RYR1: variants seen among roughly 807,000 people sequenced by gnomAD.
RYR1 encodes central core disease of muscle.
RYR1 carries 342 observed loss-of-function variants against 583.5 expected under a neutral mutation model. The ratio of observed to expected loss-of-function variants is 0.59; its 90% CI spans 0.54 to 0.64. The LOEUF (loss-of-function observed/expected upper bound fraction) is 0.64. Ranked by LOEUF, RYR1 falls within the 30% of genes least tolerant of loss-of-function variation. The probability of loss-of-function intolerance (pLI) is 0.00; values close to 1 mark genes in which losing one functional copy is unlikely to be tolerated. For missense variants in RYR1, 6,032 were observed against 6,917.2 expected, an observed-to-expected ratio of 0.87 and a Z score of 4.54; for synonymous variants, 2,791 against 2,822.5, an observed-to-expected ratio of 0.99 and a Z score of 0.35.
Position 38,528,676 on chromosome 19 carries a change from G to A in RYR1, c.11015G>A (p.Arg3672His), listed in dbSNP as rs752275036. 3.1e-6 allele frequency: 5 copies of A among 1,614,166 alleles called. No homozygotes were observed. The highest frequency in any genetic ancestry group is 2.2e-5 in the South Asian group (2 of 91,090). ...ACTGAAGACCACAGTTTTGAGGACC[G>A]CATGATAGATGACCTTTCAGTGAGC... Reference protein sequence around the residue: ...ILTEDHSFEDRMIDDLSKAGE... With the variant: ...ILTEDHSFEDHMIDDLSKAGE... Residue 3672 changes from arginine to histidine, a missense_variant, in exon 75 of 106, where the codon CGC (arginine) becomes CAC (histidine). Transcript: ENST00000359596.
At chr19:38,549,060 A>G (rs914727107) in intron 89 of RYR1, among the ~76,000 whole-genome samples, 1 of 152,152 alleles carries the variant, frequency 6.6e-6, no homozygotes, top group African/African-American at 2.4e-5. Flanking sequence ...TGACGCATCA[A>G]TGACCAAGAT....
At position 38,446,555 on chromosome 19, in the gene RYR1, G is replaced by A; in HGVS notation, c.715G>A (p.Asp239Asn). 6.2e-7 allele frequency: 1 copy of A among 1,613,854 alleles called. No individual in the cohort carries two copies. The highest frequency in any genetic ancestry group is 1.1e-5 in the South Asian group (1 of 91,050). The change falls in exon 8 of 106, where the codon GAC (aspartate) becomes AAC (asparagine). Residue 239 changes from aspartate to asparagine, a missense_variant. Asp to Asn is a conservative substitution (Grantham distance 23, BLOSUM62 1). Transcript: ENST00000359596. ...GACCATTTCCCCTGCTGACAGTGAT[G>A]ACCAGCGCAGGTCTGGGCTGTGGAC... ...CLTISPADSD[D>N]QRRLVYYEGG... is the part of the protein sequence containing the mutation.
rs17708009 is a variant in RYR1 at position 38,490,363 on chromosome 19, C to T, written c.6015+87C>T. ...ACTCTGATCACTGAGGACCCTCAACCTCTAAACCCGTGCTTGACCCCTGAC... is the reference window on the plus strand; with the variant it reads ...ACTCTGATCACTGAGGACCCTCAACTTCTAAACCCGTGCTTGACCCCTGAC... On this transcript the variant is annotated intron_variant, in intron 36 of 105. Transcript: ENST00000359596. 120,382 of 1,326,652 alleles carry T rather than the reference C, an allele frequency of 0.091. 6,407 individuals carry two copies. The highest frequency in any genetic ancestry group is 0.18 in the South Asian group (14,382 of 80,044). 82.2% of individuals were successfully genotyped at this position (1,326,652 alleles called of 1,614,324 possible). A position where few individuals can be genotyped will look rare whatever the true frequency, so the allele number is the denominator to read the frequency against.
intron 20 of RYR1, among the ~76,000 whole-genome samples, chr19:38,463,153 C>CCG (rs1555772103): frequency 3.8e-5 from 3 of 78,108 alleles, no homozygotes; most frequent in Admixed American, 2.0e-4. Context: ...CCCCCCCCCC[C>CCG]CCACTTAGCC....
intron 93 of RYR1, among the ~76,000 whole-genome samples, chr19:38,569,552 CA>C (rs148980907): frequency 1.9e-3 from 264 of 139,670 alleles, no homozygotes; most frequent in Non-Finnish European, 2.0e-3. Context: ...GACCTTGACT[CA>C]AAAAAAAAAA....
rs527696736 is a variant in RYR1, at chr19:38,442,106, T to C, written c.166-243T>C. On this transcript the variant is annotated intron_variant, in intron 2 of 105. Coordinates refer to ENST00000359596, the MANE Select transcript of RYR1 (RefSeq NM_000540.3). ...AGGGTTAGGGTTAGGGAAGTTTCTA[T>C]GGAGTCTGGGTGGGTCTGAGGTGTT... is the stretch of plus-strand genomic sequence containing the variant. Among the ~76,000 whole-genome samples, 211 of 150,542 alleles carry C rather than the reference T, an allele frequency of 1.4e-3. 1 individual carries two copies. The highest frequency in any genetic ancestry group is 1.6e-3 in the Non-Finnish European group (109 of 67,726).
chr19:38,450,390 C>T (rs539684578), intron 11 of RYR1, among the ~76,000 whole-genome samples: 1 of 152,180 alleles, frequency 6.6e-6, no homozygotes, highest in Admixed American at 6.5e-5. Flanking sequence ...GATGGAAGTG[C>T]TGAAACAGCC....
At chr19:38,536,178 G>A in intron 82 of RYR1, 108 bp downstream of exon 82, 1 of 955,692 alleles carries the variant, frequency 1.0e-6, no homozygotes, top group Non-Finnish European at 1.5e-6. Context: ...CCAAGACACT[G>A]GTTCCCAAGG....
At chr19:38,481,755 C>T (rs1407029705) in intron 31 of RYR1, among the ~76,000 whole-genome samples, 4 of 151,692 alleles carry the variant, frequency 2.6e-5, no homozygotes, top group Admixed American at 2.0e-4. Context: ...CACTGCACTC[C>T]AGCCTGGGTG....
chr19:38,570,737 C>A, intron 94 of RYR1, 44 bp downstream of exon 94: 2 of 1,482,328 alleles, frequency 1.3e-6, no homozygotes, highest in Non-Finnish European at 1.9e-6. Context: ...CTTTTCCATG[C>A]TGTGGGATGG....
intron 90 of RYR1, among the ~76,000 whole-genome samples, chr19:38,563,508 G>A (rs1343739789): frequency 2.0e-5 from 3 of 152,132 alleles, no homozygotes; most frequent in Non-Finnish European, 2.9e-5. Context: ...CAGGTGATCC[G>A]CCCGCCTCGG....
Position 38,505,901 on chromosome 19 carries a change from GAAGACGGAA to G in RYR1, c.8501_8509del (p.Thr2834_Lys2836del). 1 of 1,613,824 alleles carries G rather than the reference GAAGACGGAA, an allele frequency of 6.2e-7. No individual in the cohort carries two copies. Among genetic ancestry groups the G allele is most frequent in the Non-Finnish European group, 8.5e-7 (1 of 1,179,972 alleles). ...AGAAGGCCAGGGAGGGTGAGGAGGAGAAGACGGAAAAGAAAAAAACGCGGAAGATATCAC... is the reference window on the plus strand; with the variant it reads ...AGAAGGCCAGGGAGGGTGAGGAGGAGAAGAAAAAAACGCGGAAGATATCAC... On this transcript the variant is annotated inframe_deletion, in exon 54 of 106. Transcript: ENST00000359596.
At position 38,448,483 on chromosome 19, in the gene RYR1, C is replaced by T. The variant is rs966781989; in HGVS notation, c.929C>T (p.Ala310Val). Residue 310 changes from alanine to valine, a missense_variant, in exon 10 of 106, where the codon GCT (alanine) becomes GTT (valine). By Grantham distance (64) the Ala-to-Val change is moderately conservative. This residue lies in a region of RYR1 where 338 missense variants were observed against 441.6 expected (regional missense o/e 0.77). Coordinates refer to ENST00000359596, the MANE Select transcript of RYR1 (RefSeq NM_000540.3). Reference sequence around the variant, plus strand: ...GACGCCAGCAAGGCTCACACCAAGGCTACCTCCTTCTGCTTCCGCATCTCC... The same window carrying T: ...GACGCCAGCAAGGCTCACACCAAGGTTACCTCCTTCTGCTTCCGCATCTCC... ...VVDASKAHTK[A>V]TSFCFRISKE... 21 of 1,613,938 alleles carry T rather than the reference C, an allele frequency of 1.3e-5. No individual in the cohort carries two copies. Among genetic ancestry groups the T allele is most frequent in the Middle Eastern group, 1.6e-4 (1 of 6,084 alleles).
chr19:38,497,392 G>A (rs1600813080), intron 42 of RYR1, among the ~76,000 whole-genome samples: 1 of 152,200 alleles, frequency 6.6e-6, no homozygotes, highest in African/African-American at 2.4e-5. Flanking sequence ...GTACAGTGGT[G>A]AAATGCGTGG....
intron 64 of RYR1, 111 bp downstream of exon 64, chr19:38,515,218 C>T: frequency 1.1e-6 from 1 of 877,094 alleles, no homozygotes; most frequent in South Asian, 1.4e-5. Context: ...AGAATTTTCC[C>T]GCACACGGCG....
In RYR1 at chr19:38,463,860, CA is replaced by C; in HGVS notation, c.2786+11del. 6.2e-7 allele frequency: 1 copy of C among 1,609,796 alleles called. No homozygotes were observed. The highest frequency in any genetic ancestry group is 1.3e-5 in the African/African-American group (1 of 74,632). On this transcript the variant is annotated intron_variant, in intron 22 of 105. Transcript: ENST00000359596. ...CTGGGGAGACGCTCAAGTGAGGGCC[CA>C]GGGGAGCCGGGGGTTGGGGCTGGCT...
rs1973142471 is a variant in RYR1 at position 38,561,519 on chromosome 19, C to T, written c.12624+65C>T. Reference sequence around the variant, plus strand: ...CTTCGGGCATGCGGGTGCTCACTTCCTGCACCCTCAGACCCCACGGGGGCT... The same window carrying T: ...CTTCGGGCATGCGGGTGCTCACTTCTTGCACCCTCAGACCCCACGGGGGCT... On this transcript the variant is annotated intron_variant, in intron 90 of 105. Transcript: ENST00000359596. This position sits in a 1 kb window ranked among gnomAD's most constrained non-coding sequence, Gnocchi z 4.8. The T allele has an allele frequency of 6.7e-6, 10 of 1,485,596 alleles. No individual in the cohort carries two copies. In the East Asian group the frequency reaches 1.8e-4, roughly 27 times the overall value. The allele number at this position is 1,485,596 out of a possible 1,614,324, so 92.0% of individuals were successfully genotyped here.
intron 34 of RYR1, among the ~76,000 whole-genome samples, 179 bp downstream of exon 34, chr19:38,486,381 T>G (rs1253483723): frequency 6.6e-6 from 1 of 152,172 alleles, no homozygotes; most frequent in Non-Finnish European, 1.5e-5. Context: ...AGTCTCACTG[T>G]CGCCCAGGCT....
chr19:38,450,150 A>T (rs1266683263), intron 11 of RYR1, among the ~76,000 whole-genome samples: 1 of 152,218 alleles, frequency 6.6e-6, no homozygotes, highest in African/African-American at 2.4e-5. Context: ...GACTACGGTC[A>T]GGGGACAGAG....
Sources: gnomAD v4.1 joint callset for allele counts (sites outside exome capture counted in the v4.1 genomes callset) on GRCh38, gnomAD v4.1.1 for gene constraint, gnomAD v4.1.1 regional missense constraint, Gnocchi (gnomAD v3.1) non-coding constraint, MANE v1.5 for transcripts, NCBI Gene and HGNC (gene_info 2026-07-23, HGNC 2026-07-21) for gene names.